DUSP14: variants seen among roughly 807,000 people sequenced by gnomAD.
DUSP14 encodes dual specificity phosphatase 14.
A neutral mutation model predicts 13.2 loss-of-function variants in DUSP14; 5 were observed. The ratio of observed to expected loss-of-function variants is 0.38; its 90% CI spans 0.20 to 0.80. The LOEUF is 0.80. DUSP14 is among the 30% of genes least tolerant of loss of function. The pLI, the probability that DUSP14 is intolerant of heterozygous loss-of-function variation, is 0.44. For missense variants in DUSP14, 185 were observed against 264.0 expected, an observed-to-expected ratio of 0.70 and a Z score of 2.07; for synonymous variants, 91 against 103.4, an observed-to-expected ratio of 0.88 and a Z score of 0.73.
chr17:37,492,805 T>A (rs1216882426), intron 1 of DUSP14, among the ~76,000 whole-genome samples: 2 of 152,192 alleles, frequency 1.3e-5, no homozygotes, highest in Admixed American at 6.5e-5. Flanking sequence ...GACTCCACAC[T>A]CTCTCCCTCC....
At chr17:37,505,191 C>T (rs927823066) in intron 1 of DUSP14, among the ~76,000 whole-genome samples, 2 of 152,210 alleles carry the variant, frequency 1.3e-5, no homozygotes, top group African/African-American at 4.8e-5. Flanking sequence ...ATACAACCAC[C>T]TTGGCCTCCC....
chr17:37,489,827 T>G (rs1290439385), upstream of DUSP14: 10 of 138,364 alleles, frequency 7.2e-5, no homozygotes, highest in South Asian at 2.6e-4. Flanking sequence ...GCAGGGAGCG[T>G]GCGCGCGGCC....
chr17:37,511,319 C>G lies in DUSP14; in HGVS notation c.-93+555C>G, dbSNP rs186693522. Among the ~76,000 whole-genome samples the G allele has an allele frequency of 1.5e-4, 23 of 152,270 alleles. No homozygotes were observed. In the East Asian group the frequency reaches 3.5e-3, roughly 23 times the overall value. On this transcript the variant is annotated intron_variant, in intron 2 of 2. Transcript: ENST00000617516. ...GTTTTTGTTTTGAGACAGAGTCTGT[C>G]ACCCAGGCTGGAGTATAGTGGCACG...
chr17:37,495,657 T>G (rs1291643500), intron 1 of DUSP14, among the ~76,000 whole-genome samples: 1 of 151,822 alleles, frequency 6.6e-6, no homozygotes, highest in Non-Finnish European at 1.5e-5. Context: ...TTTTGTTTTT[T>G]TTGTTTTTTT....
chr17:37,505,718 A>T, intron 1 of DUSP14, among the ~76,000 whole-genome samples: 1 of 147,434 alleles, frequency 6.8e-6, no homozygotes, highest in East Asian at 2.0e-4. Flanking sequence ...CCATGACCCC[A>T]TGTAGCAATT....
At chr17:37,492,079 T>C (rs1328032015) in intron 1 of DUSP14, among the ~76,000 whole-genome samples, 2 of 152,246 alleles carry the variant, frequency 1.3e-5, no homozygotes, top group African/African-American at 4.8e-5. Context: ...GAACAAGTAA[T>C]GTGTTTAAGT....
At chr17:37,507,567 C>G (rs2054146415) in intron 1 of DUSP14, among the ~76,000 whole-genome samples, 1 of 152,190 alleles carries the variant, frequency 6.6e-6, no homozygotes, top group African/African-American at 2.4e-5. Flanking sequence ...ATTCTCTTGG[C>G]TCAGCCTCCC....
chr17:37,512,937 C>G lies in DUSP14; in HGVS notation c.*68C>G. 7.6e-7 allele frequency: 1 copy of G among 1,310,384 alleles called. No homozygotes were observed. The highest frequency in any genetic ancestry group is 1.1e-6 in the Non-Finnish European group (1 of 940,866). The allele number at this position is 1,310,384 out of a possible 1,614,324, so 81.2% of individuals were successfully genotyped here. On this transcript the variant is annotated 3_prime_UTR_variant, in exon 3 of 3. Transcript: ENST00000617516. This position sits in a 1 kb window ranked among gnomAD's most constrained non-coding sequence, Gnocchi z 4.8. ...CTGCTCCCCGCCGTCTGCTCCCTCTCCACTCTCTTCTCAAATGGCTGACTT... is the reference window on the plus strand; with the variant it reads ...CTGCTCCCCGCCGTCTGCTCCCTCTGCACTCTCTTCTCAAATGGCTGACTT...
At chr17:37,501,974 A>G (rs958661931) in intron 1 of DUSP14, among the ~76,000 whole-genome samples, 10 of 151,980 alleles carry the variant, frequency 6.6e-5, no homozygotes, top group African/African-American at 2.4e-4. Flanking sequence ...CGTTCACTCA[A>G]TGGTAGTCCA....
intron 1 of DUSP14, among the ~76,000 whole-genome samples, chr17:37,509,128 TACACAC>T (rs869304104): frequency 0.023 from 712 of 31,066 alleles, 45 homozygotes; most frequent in Non-Finnish European, 0.027. Flanking sequence ...TATATATATA[TACACAC>T]ACACACACAC....
chr17:37,488,921 G>A (rs2054006561), upstream of DUSP14, among the ~76,000 whole-genome samples: 1 of 152,188 alleles, frequency 6.6e-6, no homozygotes, highest in Non-Finnish European at 1.5e-5. Flanking sequence ...GCAATTCTGA[G>A]GCCAACCATT....
chr17:37,489,864 G>T (rs1170143270), upstream of DUSP14: 1 of 147,804 alleles, frequency 6.8e-6, no homozygotes, highest in Admixed American at 6.7e-5. Flanking sequence ...GGAGGGAGGA[G>T]GAGGCGGCGC....
chr17:37,493,761 G>A (rs2680722), intron 1 of DUSP14, among the ~76,000 whole-genome samples: 1 of 150,740 alleles, frequency 6.6e-6, no homozygotes, highest in East Asian at 1.9e-4. Flanking sequence ...CTAGTACCTA[G>A]ATGTTTTTTA....
chr17:37,510,432 T>G (rs1037956662), intron 1 of DUSP14: 1 of 152,050 alleles, frequency 6.6e-6, no homozygotes, highest in African/African-American at 2.4e-5. Flanking sequence ...GAGGATGAGA[T>G]TTGTCTGTGT....
intron 1 of DUSP14, among the ~76,000 whole-genome samples, chr17:37,509,128 TAC>T (rs869304104): frequency 0.056 from 1,722 of 30,962 alleles, 108 homozygotes; most frequent in Non-Finnish European, 0.074. Context: ...TATATATATA[TAC>T]ACACACACAC....
chr17:37,512,223 AAC>A lies in DUSP14; in HGVS notation c.-47_-46del, dbSNP rs748309363. On this transcript the variant is annotated 5_prime_UTR_variant, in exon 3 of 3. Transcript: ENST00000617516. This position sits in a 1 kb window ranked among gnomAD's most constrained non-coding sequence, Gnocchi z 4.8. ...TGGATTCCTTGGTGGAGGAAAATAAAACACTCTGGTCTTGCCGCCAACGATGC... is the reference window on the plus strand; with the variant it reads ...TGGATTCCTTGGTGGAGGAAAATAAAACTCTGGTCTTGCCGCCAACGATGC... 11 of 1,494,908 alleles carry A rather than the reference AAC, an allele frequency of 7.4e-6. No individual in the cohort carries two copies. Among genetic ancestry groups the A allele is most frequent in the Non-Finnish European group, 9.9e-6 (11 of 1,110,438 alleles). The allele number at this position is 1,494,908 out of a possible 1,614,324, so 92.6% of individuals were successfully genotyped here. A position where few individuals can be genotyped will look rare whatever the true frequency, so the allele number is the denominator to read the frequency against.
intron 1 of DUSP14, among the ~76,000 whole-genome samples, chr17:37,509,287 A>AGTG (rs1170719955): frequency 3.7e-5 from 1 of 27,048 alleles, no homozygotes; most frequent in African/African-American, 1.6e-4. Flanking sequence ...ATATATATAT[A>AGTG]TATATATATA....
intron 1 of DUSP14, among the ~76,000 whole-genome samples, chr17:37,498,387 C>T (rs1324176153): frequency 1.7e-4 from 23 of 133,804 alleles, no homozygotes; most frequent in African/African-American, 6.3e-4. Context: ...AGTGCAGTGG[C>T]GCAGTCTCTG....
chr17:37,489,079 G>A (rs1161588316), upstream of DUSP14, among the ~76,000 whole-genome samples: 1 of 152,106 alleles, frequency 6.6e-6, no homozygotes, highest in Non-Finnish European at 1.5e-5. Flanking sequence ...GGGGAGGCGG[G>A]GCTGTGCTGG....
Sources: gnomAD v4.1 joint callset for allele counts (sites outside exome capture counted in the v4.1 genomes callset) on GRCh38, gnomAD v4.1.1 for gene constraint, Gnocchi (gnomAD v3.1) non-coding constraint, MANE v1.5 for transcripts, NCBI Gene and HGNC (gene_info 2026-07-23, HGNC 2026-07-21) for gene names.